The following CNDP1 variants were observed in gnomAD, a reference collection of about 807,000 sequenced individuals.
CNDP1 encodes beta-Ala-His dipeptidase.
In CNDP1, 44 loss-of-function variants were observed where a neutral mutation model predicts 58.1. The ratio of observed to expected loss-of-function variants is 0.76; its 90% CI spans 0.60 to 0.97. The LOEUF (loss-of-function observed/expected upper bound fraction) is 0.97. CNDP1 is among the 50% of genes least tolerant of loss of function. The pLI is 0.00. For missense variants in CNDP1, 616 were observed against 655.1 expected (o/e 0.94, Z 0.65); for synonymous variants, 254 against 252.6 (o/e 1.01, Z -0.05).
At chr18:74,571,385 A>G in intron 7 of CNDP1, 115 bp downstream of exon 7, 2 of 699,476 alleles carry the variant, frequency 2.9e-6, no homozygotes, top group East Asian at 2.6e-5. Context: ...AAGGGTGTAG[A>G]TGCTTAGATT....
At chr18:74,557,811 C>T (rs973791011) in intron 2 of CNDP1, among the ~76,000 whole-genome samples, 3 of 152,216 alleles carry the variant, frequency 2.0e-5, no homozygotes, top group African/African-American at 7.2e-5. Context: ...GCTAAAGGCA[C>T]GAGGCTGAAT....
At chr18:74,569,097 G>A (rs1044851464) in intron 6 of CNDP1, among the ~76,000 whole-genome samples, 4 of 152,134 alleles carry the variant, frequency 2.6e-5, no homozygotes, top group Admixed American at 1.3e-4. Context: ...GTACAGCAAC[G>A]TTACAAGAGA....
In CNDP1 at chr18:74,586,852, G is replaced by T. The variant is rs1981925514; in HGVS notation, c.*2290G>T. 6.6e-6 allele frequency: 1 copy of T among 152,192 alleles called. No homozygotes were observed. The highest frequency in any genetic ancestry group is 1.5e-5 in the Non-Finnish European group (1 of 68,036). 9.4% of individuals were successfully genotyped at this position (152,192 alleles called of 1,614,324 possible). On this transcript the variant is annotated 3_prime_UTR_variant, in exon 12 of 12. Coordinates refer to ENST00000358821, the MANE Select transcript of CNDP1 (RefSeq NM_032649.6). ...CTTGTACTCAAAGGGATAAAAGAAAGCTACTCAGTTGTTATTCAGATATAT... is the reference window on the plus strand; with the variant it reads ...CTTGTACTCAAAGGGATAAAAGAAATCTACTCAGTTGTTATTCAGATATAT...
chr18:74,555,119 A>G (rs1460078702), intron 1 of CNDP1, among the ~76,000 whole-genome samples: 1 of 152,200 alleles, frequency 6.6e-6, no homozygotes, highest in East Asian at 1.9e-4. Context: ...GAAGAATCAT[A>G]GATTAAACAA....
intron 1 of CNDP1, among the ~76,000 whole-genome samples, chr18:74,543,274 G>A (rs1980673715): frequency 6.6e-6 from 1 of 152,158 alleles, no homozygotes. Flanking sequence ...CAGATCACTT[G>A]AACCCAGGAG....
intron 1 of CNDP1, among the ~76,000 whole-genome samples, chr18:74,554,080 G>A (rs554954099): frequency 6.6e-6 from 1 of 152,314 alleles, no homozygotes; most frequent in African/African-American, 2.4e-5. Flanking sequence ...GGATCTGGCA[G>A]GGCTGAACTT....
chr18:74,536,792 C>T (rs182082922), intron 1 of CNDP1, among the ~76,000 whole-genome samples: 117 of 152,312 alleles, frequency 7.7e-4, no homozygotes, highest in Admixed American at 1.5e-3. Context: ...TCTCTGCAAC[C>T]TCACTTGCAT....
intron 1 of CNDP1, among the ~76,000 whole-genome samples, chr18:74,550,276 G>A (rs979511734): frequency 2.0e-5 from 3 of 152,228 alleles, no homozygotes; most frequent in Non-Finnish European, 4.4e-5. Context: ...AAAGTGCCCT[G>A]GATGTGGGAC....
At chr18:74,572,948 C>T (rs909760392) in intron 7 of CNDP1, among the ~76,000 whole-genome samples, 3 of 152,168 alleles carry the variant, frequency 2.0e-5, no homozygotes, top group African/African-American at 7.2e-5. Context: ...ACAATCAGCC[C>T]AGATGGCCCA....
rs143490385 is a variant in CNDP1, at chr18:74,538,587, G to A, written c.24+3896G>A. Among the ~76,000 whole-genome samples the A allele has an allele frequency of 6.8e-3, 1,042 of 152,248 alleles. 13 individuals carry two copies. Among genetic ancestry groups the A allele is most frequent in the African/African-American group, 0.023 (974 of 41,526 alleles). On this transcript the variant is annotated intron_variant, in intron 1 of 11. Coordinates refer to ENST00000358821, the MANE Select transcript of CNDP1 (RefSeq NM_032649.6). The stretch of plus-strand genomic sequence containing the variant: ...AATTGCCGGTTGATACAGTAGCTCC[G>A]TGGATCAGTGTCTGAGGAACTGCCA...
At chr18:74,551,619 G>T (rs1032162114) in intron 1 of CNDP1, among the ~76,000 whole-genome samples, 2 of 152,146 alleles carry the variant, frequency 1.3e-5, no homozygotes, top group Non-Finnish European at 2.9e-5. Flanking sequence ...GACCCCTGCT[G>T]TCAGGGCCAC....
rs34522443 is a variant in CNDP1, at chr18:74,560,930, C to T, written c.378C>T (p.Thr126=). 232 of 1,614,128 alleles carry T rather than the reference C, an allele frequency of 1.4e-4. 1 individual carries two copies. The African/African-American group carries it at 1.9e-3, about 13-fold the overall frequency. ...AELGSDPTKG[T]VCFYGHLDVQ... is the part of the protein sequence containing the mutation. ...TGGGGAGCGATCCCACGAAAGGCAC[C>T]GTGTGCTTCTACGGCCACTTGGACG... Residue 126 remains threonine, a synonymous_variant, in exon 4 of 12, where the codon ACC becomes ACT. Transcript: ENST00000358821.
chr18:74,541,507 G>T (rs1219454465), intron 1 of CNDP1, among the ~76,000 whole-genome samples: 1 of 152,180 alleles, frequency 6.6e-6, no homozygotes, highest in Admixed American at 6.5e-5. Context: ...AAGGAGAAGG[G>T]GTGGGTGGGT....
rs151304098 is a variant in CNDP1 at position 74,567,364 on chromosome 18, C to A, written c.687C>A (p.Asn229Lys). The change falls in exon 6 of 12, where the codon AAC becomes AAA. Residue 229 changes from asparagine (N) to lysine (K), a missense_variant. Asn to Lys is a moderately conservative substitution (Grantham distance 94). Coordinates refer to ENST00000358821, the MANE Select transcript of CNDP1 (RefSeq NM_032649.6). ...SGVDYIVISD[N>K]LWISQRKPAI... ...TGGACTACATTGTAATTTCAGATAA[C>A]CTGTGGATCAGCCAAAGGAAGCCAG... 3 of 1,614,138 alleles carry A rather than the reference C, an allele frequency of 1.9e-6. No homozygotes were observed. Among genetic ancestry groups the A allele is most frequent in the South Asian group, 1.1e-5 (1 of 91,076 alleles).
chr18:74,541,755 G>A (rs1980630073), intron 1 of CNDP1, among the ~76,000 whole-genome samples: 1 of 152,142 alleles, frequency 6.6e-6, no homozygotes, highest in Non-Finnish European at 1.5e-5. Context: ...CTCTCCTCAG[G>A]CCCCACAATG....
intron 6 of CNDP1, among the ~76,000 whole-genome samples, chr18:74,568,473 G>A (rs923798705): frequency 2.0e-5 from 3 of 152,194 alleles, no homozygotes; most frequent in Non-Finnish European, 4.4e-5. Context: ...TGAAAAGTGG[G>A]AGACAGCTGG....
At position 74,564,873 on chromosome 18, in the gene CNDP1, G is replaced by A. The variant is rs567099533; in HGVS notation, c.556-2360G>A. Among the ~76,000 whole-genome samples the A allele has an allele frequency of 1.7e-3, 257 of 152,324 alleles. 1 individual carries two copies. The highest frequency in any genetic ancestry group is 2.9e-3 in the Non-Finnish European group (195 of 68,034). On this transcript the variant is annotated intron_variant, in intron 5 of 11. Transcript: ENST00000358821. ...CATTGAAGGTAAATAATAATTTCATGTGTTTATGTTATATGCAAACAAATA... is the reference window on the plus strand; with the variant it reads ...CATTGAAGGTAAATAATAATTTCATATGTTTATGTTATATGCAAACAAATA...
intron 9 of CNDP1, among the ~76,000 whole-genome samples, chr18:74,578,659 T>C (rs1981697658): frequency 6.6e-6 from 1 of 152,058 alleles, no homozygotes; most frequent in Admixed American, 6.6e-5. Context: ...TCCAGTCTTT[T>C]CCCTCAAGTA....
chr18:74,535,618 C>T (rs925050783), intron 1 of CNDP1, among the ~76,000 whole-genome samples: 2 of 126,776 alleles, frequency 1.6e-5, no homozygotes, highest in African/African-American at 5.6e-5. Flanking sequence ...CTGGCCAGGG[C>T]ATTGGGGTGG....
Sources: allele counts gnomAD v4.1 joint callset (sites outside exome capture counted in the v4.1 genomes callset), GRCh38; gene constraint gnomAD v4.1.1; transcripts MANE v1.5; gene names NCBI Gene and HGNC (gene_info 2026-07-23, HGNC 2026-07-21).